Variants in EXOC6B observed in about 807,000 individuals in gnomAD.
EXOC6B encodes SEC15 homolog B.
A neutral mutation model predicts 113.5 loss-of-function variants in EXOC6B; 54 were observed. The ratio of observed to expected loss-of-function variants is 0.48; its 90% confidence interval spans 0.38 to 0.60. The LOEUF (loss-of-function observed/expected upper bound fraction) is 0.60. Ranked by LOEUF, EXOC6B falls within the 20% of genes least tolerant of loss-of-function variation. The pLI is 0.00. For synonymous variants in EXOC6B, 357 were observed against 339.0 expected, an observed-to-expected ratio of 1.05 and a Z score of -0.58; for missense variants, 797 against 977.5, an observed-to-expected ratio of 0.82 and a Z score of 2.46.
intron 18 of EXOC6B, among the ~76,000 whole-genome samples, chr2:72,453,154 T>G (rs530780450): frequency 7.8e-4 from 119 of 152,288 alleles, no homozygotes; most frequent in South Asian, 4.3e-3. Context: ...ATTTATAAGA[T>G]CTTAAGCAAT....
chr2:72,533,923 G>A (rs370891391), intron 8 of EXOC6B, among the ~76,000 whole-genome samples: 15 of 152,184 alleles, frequency 9.9e-5, no homozygotes, highest in African/African-American at 2.7e-4. Context: ...TGACTCATAA[G>A]AACAGGCTTT....
chr2:72,793,073 T>A (rs1252477903), intron 1 of EXOC6B, among the ~76,000 whole-genome samples: 1 of 152,218 alleles, frequency 6.6e-6, no homozygotes, highest in African/African-American at 2.4e-5. Context: ...CATACTATAA[T>A]TTATTTATCA....
At chr2:72,578,333 C>A (rs532415707) in intron 6 of EXOC6B, among the ~76,000 whole-genome samples, 1 of 152,178 alleles carries the variant, frequency 6.6e-6, no homozygotes, top group South Asian at 2.1e-4. Flanking sequence ...TAGATTCCAC[C>A]ATAATAGAAG....
intron 17 of EXOC6B, among the ~76,000 whole-genome samples, chr2:72,478,654 C>T (rs1039055789): frequency 1.3e-5 from 2 of 152,146 alleles, no homozygotes; most frequent in African/African-American, 4.8e-5. Context: ...TTTAATTTTC[C>T]CTCAGCATTT....
intron 18 of EXOC6B, chr2:72,462,695 G>A (rs1558691818): frequency 6.6e-6 from 1 of 152,044 alleles, no homozygotes. Context: ...AGAACTGTGA[G>A]AAACAAATTT....
intron 1 of EXOC6B, among the ~76,000 whole-genome samples, chr2:72,799,647 T>C (rs1000889969): frequency 5.9e-5 from 9 of 152,198 alleles, no homozygotes; most frequent in African/African-American, 1.9e-4. Context: ...AAACTGTATG[T>C]TTTTAAATGT....
chr2:72,196,815 A>G (rs912701144), intron 20 of EXOC6B, among the ~76,000 whole-genome samples: 13 of 152,234 alleles, frequency 8.5e-5, no homozygotes, highest in African/African-American at 2.7e-4. Flanking sequence ...GTTTTTATGT[A>G]AAAATTTAAC....
At chr2:72,695,665 C>T (rs566319409) in intron 6 of EXOC6B, among the ~76,000 whole-genome samples, 9 of 152,184 alleles carry the variant, frequency 5.9e-5, no homozygotes, top group Admixed American at 2.6e-4. Context: ...AACACAGACA[C>T]CCACATAGAC....
At chr2:72,252,647 C>T (rs1003394075) in intron 20 of EXOC6B, among the ~76,000 whole-genome samples, 13 of 152,166 alleles carry the variant, frequency 8.5e-5, no homozygotes, top group African/African-American at 3.1e-4. Context: ...ATAATACCTG[C>T]TTTACAAGTT....
intron 20 of EXOC6B, among the ~76,000 whole-genome samples, chr2:72,287,097 G>T (rs370863780): frequency 1.2e-4 from 19 of 152,110 alleles, no homozygotes; most frequent in African/African-American, 4.3e-4. Context: ...TACTATTGCT[G>T]CTGCTGTTAC....
chr2:72,349,854 C>T (rs1442002132), intron 19 of EXOC6B, among the ~76,000 whole-genome samples: 1 of 152,170 alleles, frequency 6.6e-6, no homozygotes, highest in East Asian at 1.9e-4. Flanking sequence ...GCAGGTGGCC[C>T]GAGGACACCA....
chr2:72,723,336 G>A (rs1355939057), intron 5 of EXOC6B, among the ~76,000 whole-genome samples: 1 of 152,134 alleles, frequency 6.6e-6, no homozygotes. Flanking sequence ...AAGGGAGGAA[G>A]GCAGGGAAAG....
At chr2:72,644,842 T>C (rs146687204) in intron 6 of EXOC6B, among the ~76,000 whole-genome samples, 119 of 152,196 alleles carry the variant, frequency 7.8e-4, no homozygotes, top group African/African-American at 2.6e-3. Context: ...ACATGCCAAA[T>C]TGTAAAGAAC....
chr2:72,548,197 A>C (rs1703011736), intron 8 of EXOC6B, among the ~76,000 whole-genome samples: 1 of 152,042 alleles, frequency 6.6e-6, no homozygotes, highest in Non-Finnish European at 1.5e-5. Flanking sequence ...TTGATATTGT[A>C]CTTCACTTTA....
At chr2:72,536,275 T>C (rs1013261683) in intron 8 of EXOC6B, among the ~76,000 whole-genome samples, 1 of 152,192 alleles carries the variant, frequency 6.6e-6, no homozygotes, top group African/African-American at 2.4e-5. Context: ...GCTTTTAAAA[T>C]AAACATGTAT....
chr2:72,697,788 A>G (rs1677999052), intron 6 of EXOC6B, among the ~76,000 whole-genome samples: 1 of 152,194 alleles, frequency 6.6e-6, no homozygotes, highest in South Asian at 2.1e-4. Context: ...TGCACTTTAT[A>G]ATATTGTGCA....
At chr2:72,807,431 G>C (rs1249224174) in intron 1 of EXOC6B, among the ~76,000 whole-genome samples, 1 of 152,110 alleles carries the variant, frequency 6.6e-6, no homozygotes, top group Non-Finnish European at 1.5e-5. Context: ...AATCCCTGTA[G>C]TATAGTTTGA....
intron 6 of EXOC6B, among the ~76,000 whole-genome samples, chr2:72,614,390 T>C (rs566390848): frequency 6.6e-5 from 10 of 152,076 alleles, no homozygotes; most frequent in Non-Finnish European, 1.2e-4. Context: ...TCCTTAAGCA[T>C]TTATGGACAC....
intron 17 of EXOC6B, among the ~76,000 whole-genome samples, chr2:72,474,909 G>C (rs1698639286): frequency 6.6e-6 from 1 of 152,090 alleles, no homozygotes; most frequent in South Asian, 2.1e-4. Flanking sequence ...CTCTGGTAGG[G>C]GAGGACATTT....
Sources: allele counts gnomAD v4.1 joint callset (sites outside exome capture counted in the v4.1 genomes callset), GRCh38; gene constraint gnomAD v4.1.1; transcripts MANE v1.5; gene names NCBI Gene and HGNC (gene_info 2026-07-23, HGNC 2026-07-21).